Variants in DDHD2 observed in about 807,000 individuals in gnomAD.
The protein encoded by DDHD2 is triacylglycerol hydrolase DDHD2.
DDHD2 carries 62 observed loss-of-function variants against 91.2 expected under a neutral mutation model. The observed-to-expected ratio is 0.68, with a 90% CI of 0.55 to 0.84. DDHD2 has a LOEUF of 0.84. Ranked by LOEUF, DDHD2 falls within the 40% of genes least tolerant of loss-of-function variation. The pLI is 0.00. For missense variants in DDHD2, 740 were observed against 846.9 expected, an observed-to-expected ratio of 0.87 and a Z score of 1.57; for synonymous variants, 271 against 293.9, an observed-to-expected ratio of 0.92 and a Z score of 0.80.
At position 38,267,870 on chromosome 8, in the gene DDHD2, C is replaced by G. The variant is rs757561403; in HGVS notation, n.88-3252C>G. ...TGGTGGGTAAGGGCTGAGGCAGATG[C>G]TGGGGTGGTTAGCTGTTGTCACTTA... On this transcript the variant is annotated intron_variant and non_coding_transcript_variant, in intron 1 of 1. Coordinates refer to the DDHD2 transcript ENST00000526071. The G allele has an allele frequency of 2.5e-6, 4 of 1,610,624 alleles. No individual in the cohort carries two copies. The Admixed American group carries it at 6.7e-5, about 27-fold the overall frequency.
intron 16 of DDHD2, 51 bp from the exon 17 acceptor site, chr8:38,259,989 T>A (rs1371718596): frequency 8.5e-7 from 1 of 1,170,544 alleles, no homozygotes; most frequent in Admixed American, 1.8e-5. Flanking sequence ...ATGTAAAACA[T>A]TTGGCACAAG....
chr8:38,242,087 C>G, intron 6 of DDHD2, 163 bp from the exon 7 acceptor site: 1 of 579,902 alleles, frequency 1.7e-6, no homozygotes, highest in East Asian at 3.2e-5. Context: ...ACATCTTTTC[C>G]TATATGCATT....
chr8:38,258,401 T>TGCCACCATGCCCAGCTAATTTTTGTAG (rs1806711652), intron 16 of DDHD2, among the ~76,000 whole-genome samples: 1 of 151,970 alleles, frequency 6.6e-6, no homozygotes. Context: ...TATAGGCATG[T>TGCCACCATGCCCAGCTAATTTTTGTAG]GCCACCATGC....
intron 3 of DDHD2, among the ~76,000 whole-genome samples, chr8:38,235,497 G>A (rs898665972): frequency 2.0e-5 from 3 of 152,152 alleles, no homozygotes; most frequent in Non-Finnish European, 2.9e-5. Context: ...TGAGGTGGGC[G>A]GATCACCTGA....
At chr8:38,264,857 A>G, downstream of DDHD2, 1 of 1,606,878 alleles carries the variant, frequency 6.2e-7, no homozygotes, top group Non-Finnish European at 8.5e-7. Context: ...AGCTTTGTTC[A>G]GAGTGTACTA....
At chr8:38,243,663 T>C (rs1291358042) in intron 7 of DDHD2, among the ~76,000 whole-genome samples, 1 of 150,472 alleles carries the variant, frequency 6.6e-6, no homozygotes, top group Non-Finnish European at 1.5e-5. Flanking sequence ...GTTTGTATCT[T>C]TTTTTTTTGG....
intron 1 of DDHD2, among the ~76,000 whole-genome samples, chr8:38,269,488 G>A (rs1465458867): frequency 6.6e-6 from 1 of 152,210 alleles, no homozygotes; most frequent in Non-Finnish European, 1.5e-5. Context: ...ACACCACCGC[G>A]GGGAGCAGCC....
intron 5 of DDHD2, among the ~76,000 whole-genome samples, chr8:38,239,820 G>C (rs1252551689): frequency 6.6e-6 from 1 of 150,562 alleles, no homozygotes; most frequent in African/African-American, 2.4e-5. Context: ...CCACCTCCAG[G>C]GTTCAAGTGA....
chr8:38,258,052 C>T (rs1806672379), intron 16 of DDHD2, among the ~76,000 whole-genome samples: 1 of 152,020 alleles, frequency 6.6e-6, no homozygotes, highest in South Asian at 2.1e-4. Flanking sequence ...TGCACTAGAC[C>T]CTTGAATTCC....
chr8:38,270,013 T>TA (rs1469659266), intron 1 of DDHD2: 3 of 152,202 alleles, frequency 2.0e-5, no homozygotes, highest in Non-Finnish European at 4.4e-5. Context: ...CACTATGCAA[T>TA]AAAACATAGG....
At chr8:38,235,230 G>A (rs1038443755) in intron 3 of DDHD2, among the ~76,000 whole-genome samples, 2 of 151,976 alleles carry the variant, frequency 1.3e-5, no homozygotes, top group African/African-American at 4.8e-5. Context: ...ATTGTAATGG[G>A]AGAGTTGTTC....
Position 38,253,023 on chromosome 8 carries a change from T to C in DDHD2, c.1787T>C (p.Met596Thr). The C allele has an allele frequency of 6.2e-7, 1 of 1,614,188 alleles. No individual in the cohort carries two copies. The highest frequency in any genetic ancestry group is 1.1e-5 in the South Asian group (1 of 91,086). The change falls in exon 15 of 18, where the codon ATG becomes ACG. Residue 596 changes from methionine (M) to threonine (T), a missense_variant. Transcript: ENST00000397166. Reference protein sequence around the residue: ...LKNNLLGSLRMAWKSFTRAPY... With the variant: ...LKNNLLGSLRTAWKSFTRAPY... ...AACAACTTGCTAGGTTCGCTGCGGA[T>C]GGCCTGGAAGTCTTTTACCAGAGCT... is the stretch of plus-strand genomic sequence containing the variant.
chr8:38,273,254 C>T (rs915483801), downstream of DDHD2: 1 of 152,174 alleles, frequency 6.6e-6, no homozygotes, highest in Non-Finnish European at 1.5e-5. Context: ...CCTCGGCCTC[C>T]CAAAGTGCTG....
chr8:38,263,856 T>C (rs1184065914), downstream of DDHD2: 6 of 985,236 alleles, frequency 6.1e-6, no homozygotes, highest in African/African-American at 1.7e-5. Context: ...TTAAATTAAA[T>C]GTAAAAACAC....
chr8:38,238,117 G>C lies in DDHD2; in HGVS notation c.530G>C (p.Gly177Ala). The change falls in exon 5 of 18, where the codon GGG becomes GCG. Residue 177 changes from glycine to alanine, a missense_variant. Transcript: ENST00000397166. ...KLMVHYQPVA[G>A]SDDWGSTPTE... ...ATGGTGCATTACCAGCCAGTTGCAG[G>C]GTCTGATGATTGGGGTTCAACACCC... The C allele has an allele frequency of 3.1e-6, 5 of 1,612,428 alleles. No individual in the cohort carries two copies. The highest frequency in any genetic ancestry group is 4.2e-6 in the Non-Finnish European group (5 of 1,179,570).
At chr8:38,268,923 G>A (rs747808388) in intron 1 of DDHD2, 2 of 1,563,196 alleles carry the variant, frequency 1.3e-6, no homozygotes, top group South Asian at 1.2e-5. Flanking sequence ...TCCACGTAGG[G>A]GTTCCGGTAG....
In DDHD2 at chr8:38,249,713, A is replaced by G. The variant is rs1445658991; in HGVS notation, c.1254A>G (p.Leu418=). Residue 418 remains leucine, a synonymous_variant, in exon 11 of 18, where the codon TTA becomes TTG. Coordinates refer to ENST00000397166, the MANE Select transcript of DDHD2 (RefSeq NM_015214.3). ...ACTTGATTTTCTATGCCTAGGCTTT[A>G]TGTACAGACCGAGATCTTCAGGAAA... ...KEKVDKEALA[L]CTDRDLQEIG... is the part of the protein sequence containing the mutation. The G allele has an allele frequency of 1.2e-6, 2 of 1,606,768 alleles. No individual in the cohort carries two copies. Among genetic ancestry groups the G allele is most frequent in the Non-Finnish European group, 1.7e-6 (2 of 1,174,768 alleles).
chr8:38,266,287 G>A (rs770260482), downstream of DDHD2: 9 of 1,613,042 alleles, frequency 5.6e-6, no homozygotes, highest in Admixed American at 5.0e-5. Context: ...GTAGAAGGAC[G>A]CAAAGGCCAG....
chr8:38,271,003 TTTTCCC>T (rs1289257531), intron 1 of DDHD2: 5 of 152,172 alleles, frequency 3.3e-5, no homozygotes, highest in Non-Finnish European at 2.9e-5. Flanking sequence ...TGTTTTGTTT[TTTTCCC>T]TACATAGACA....
Sources: allele counts gnomAD v4.1 joint callset (sites outside exome capture counted in the v4.1 genomes callset), GRCh38; gene constraint gnomAD v4.1.1; transcripts MANE v1.5; gene names NCBI Gene and HGNC (gene_info 2026-07-23, HGNC 2026-07-21).